The following PHLPP2 variants were observed in gnomAD, a reference collection of about 807,000 sequenced individuals.
PHLPP2 encodes PH domain and leucine rich repeat protein phosphatase 2.
PHLPP2 carries 66 observed loss-of-function variants against 124.9 expected under a neutral mutation model. That is an observed-to-expected ratio of 0.53 (90% CI 0.43 to 0.65). The LOEUF (loss-of-function observed/expected upper bound fraction) is 0.65. Among genes scored for constraint, PHLPP2 ranks in the 30% least tolerant of loss-of-function variants. PHLPP2 has a pLI of 0.00. For synonymous variants in PHLPP2, 681 were observed against 624.7 expected (o/e 1.09, Z -1.34); for missense variants, 1,685 against 1,600.4 (o/e 1.05, Z -0.90).
rs568666679 is a variant in PHLPP2, at chr16:71,698,547, C to T, written c.418+4051G>A. 3.1e-5 allele frequency: 21 copies of T among 671,730 alleles called. 2 individuals carry two copies. In the Admixed American group the frequency reaches 3.4e-4, roughly 11 times the overall value. The allele number at this position is 671,730 out of a possible 1,614,324, so 41.6% of individuals were successfully genotyped here. A position where few individuals can be genotyped will look rare whatever the true frequency, so the allele number is the denominator to read the frequency against. ...ACTGGGGATAGCACAAAGTCAGAGACATGAACATCCATCTGAAAGGCCTGT... is the reference window on the plus strand; with the variant it reads ...ACTGGGGATAGCACAAAGTCAGAGATATGAACATCCATCTGAAAGGCCTGT... On this transcript the variant is annotated intron_variant, in intron 3 of 18. Coordinates refer to ENST00000568954, the MANE Select transcript of PHLPP2 (RefSeq NM_015020.3).
chr16:71,706,284 A>C (rs2045273636), intron 2 of PHLPP2, among the ~76,000 whole-genome samples: 1 of 150,928 alleles, frequency 6.6e-6, no homozygotes, highest in African/African-American at 2.4e-5. Flanking sequence ...GGACATAGCA[A>C]TGCTGTTAAC....
chr16:71,717,809 A>G (rs1215258176), intron 1 of PHLPP2, among the ~76,000 whole-genome samples: 1 of 152,176 alleles, frequency 6.6e-6, no homozygotes, highest in Non-Finnish European at 1.5e-5. Flanking sequence ...CACAAACAAA[A>G]AAGTCGTCTT....
At chr16:71,707,187 C>G (rs1468223276) in intron 2 of PHLPP2, among the ~76,000 whole-genome samples, 2 of 151,748 alleles carry the variant, frequency 1.3e-5, no homozygotes, top group East Asian at 1.9e-4. Flanking sequence ...GATCTCCTGA[C>G]CTCGTGATCC....
intron 6 of PHLPP2, among the ~76,000 whole-genome samples, chr16:71,680,401 TACACA>T (rs1567619812): frequency 6.6e-6 from 1 of 152,214 alleles, no homozygotes; most frequent in Non-Finnish European, 1.5e-5. Flanking sequence ...TGTGACCTGA[TACACA>T]ACACAAAATA....
chr16:71,707,637 C>G (rs1382534052), intron 2 of PHLPP2, among the ~76,000 whole-genome samples: 1 of 152,156 alleles, frequency 6.6e-6, no homozygotes, highest in African/African-American at 2.4e-5. Context: ...AGCTGATGAA[C>G]TGTTCGATAT....
At chr16:71,723,083 C>T (rs2145393216) in intron 1 of PHLPP2, 1 of 152,440 alleles carries the variant, frequency 6.6e-6, no homozygotes, top group African/African-American at 2.4e-5. Context: ...CAGTCGGCCC[C>T]GCTCCCGGGA....
chr16:71,672,272 C>A lies in PHLPP2; in HGVS notation c.1522G>T (p.Asp508Tyr), dbSNP rs549764481. 6.2e-7 allele frequency: 1 copy of A among 1,612,998 alleles called. No homozygotes were observed. Among genetic ancestry groups the A allele is most frequent in the African/African-American group, 1.3e-5 (1 of 74,974 alleles). ...YPVPSLLTFL[D>Y]LSRNLLECVP... ...ATGAAAGACACTCACCGGGAGAGAT[C>A]CAAGAAAGTGAGCAGGCTGGGTACT... The change falls in exon 10 of 19, where the codon GAT becomes TAT. Residue 508 changes from aspartate to tyrosine, a missense_variant. Asp to Tyr is a radical substitution (Grantham distance 160). Coordinates refer to ENST00000568954, the MANE Select transcript of PHLPP2 (RefSeq NM_015020.3).
intron 9 of PHLPP2, 27 bp from the exon 10 acceptor site, chr16:71,672,349 T>A: frequency 6.4e-7 from 1 of 1,557,398 alleles, no homozygotes; most frequent in Non-Finnish European, 8.9e-7. Flanking sequence ...CAGGTGTTAG[T>A]GACATCCTCT....
At chr16:71,669,609 T>C (rs142225214) in intron 10 of PHLPP2, among the ~76,000 whole-genome samples, 3 of 152,334 alleles carry the variant, frequency 2.0e-5, no homozygotes, top group African/African-American at 4.8e-5. Flanking sequence ...TTATGTTGCA[T>C]GCTCAAAGAA....
Position 71,678,847 on chromosome 16 carries a change from CAT to C in PHLPP2, c.1174_1175del (p.Met392ValfsTer3). The C allele has an allele frequency of 6.2e-7, 1 of 1,612,270 alleles. No homozygotes were observed. The highest frequency in any genetic ancestry group is 8.5e-7 in the Non-Finnish European group (1 of 1,178,380). On this transcript the variant is annotated frameshift_variant, in exon 8 of 19. Coordinates refer to ENST00000568954, the MANE Select transcript of PHLPP2 (RefSeq NM_015020.3). LOFTEE classifies it high-confidence loss of function. ...TTCCTGCCATAACCACTCTATCTAACATAGTGAGTTTCTCATAAACCTCAGGA... is the reference window on the plus strand; with the variant it reads ...TTCCTGCCATAACCACTCTATCTAACAGTGAGTTTCTCATAAACCTCAGGA... Reference protein sequence around the residue: ...QIPEVYEKLTMLDRVVMAGNC... With the variant: ...QIPEVYEKLTXLDRVVMAGNC...
In PHLPP2 at chr16:71,655,373, T is replaced by C; in HGVS notation, c.2452A>G (p.Met818Val). 4.3e-6 allele frequency: 7 copies of C among 1,614,026 alleles called. No homozygotes were observed. Among genetic ancestry groups the C allele is most frequent in the Non-Finnish European group, 5.9e-6 (7 of 1,179,954 alleles). ...FAEGVGAVYG[M>V]FDGDRNEELP... ...TCCTCATTTCGGTCTCCATCAAACA[T>C]GCCATACACAGCTCCCACCCCCTCT... The change falls in exon 17 of 19, where the codon ATG (methionine) becomes GTG (valine). Residue 818 changes from methionine (M) to valine (V), a missense_variant. Transcript: ENST00000568954.
chr16:71,683,937 C>G (rs550716216), intron 5 of PHLPP2, among the ~76,000 whole-genome samples: 8 of 130,194 alleles, frequency 6.1e-5, no homozygotes, highest in African/African-American at 2.1e-4. Flanking sequence ...GGATTACAGG[C>G]ATGTGCCACT....
intron 3 of PHLPP2, among the ~76,000 whole-genome samples, chr16:71,699,336 C>T (rs2045206099): frequency 6.6e-6 from 1 of 152,110 alleles, no homozygotes; most frequent in African/African-American, 2.4e-5. Flanking sequence ...TCGAATGTTG[C>T]CTTTTCCAAA....
intron 3 of PHLPP2, among the ~76,000 whole-genome samples, chr16:71,693,753 G>T (rs1024020407): frequency 5.3e-5 from 8 of 152,190 alleles, no homozygotes; most frequent in African/African-American, 1.9e-4. Context: ...TTTCTGCTTA[G>T]TGAAACGTTG....
chr16:71,723,721 T>C (rs1280507166), intron 1 of PHLPP2: 6 of 947,716 alleles, frequency 6.3e-6, no homozygotes, highest in Middle Eastern at 3.7e-4. Context: ...CCTAGTCCGC[T>C]TGCCCGCTCG....
chr16:71,656,231 G>C (rs752873834), intron 16 of PHLPP2, among the ~76,000 whole-genome samples: 2 of 152,170 alleles, frequency 1.3e-5, no homozygotes, highest in African/African-American at 4.8e-5. Flanking sequence ...ACTAGACTGG[G>C]TGTCATCAGA....
intron 1 of PHLPP2, among the ~76,000 whole-genome samples, chr16:71,722,646 T>G (rs969871949): frequency 6.6e-6 from 1 of 152,216 alleles, no homozygotes; most frequent in African/African-American, 2.4e-5. Context: ...ATCATACGTT[T>G]TGTTTTGCAA....
chr16:71,650,126 A>G, intron 18 of PHLPP2, 82 bp from the exon 19 acceptor site: 3 of 960,804 alleles, frequency 3.1e-6, no homozygotes, highest in Non-Finnish European at 4.6e-6. Context: ...GTGCTTAGGG[A>G]ACTATAATAA....
At position 71,664,100 on chromosome 16, in the gene PHLPP2, C is replaced by G; in HGVS notation, c.1785-1G>C. ...TGCAGATGCATTCAAGTATCTGAGA[C>G]TGACAGAACACACACAGATCATCAC... On this transcript the variant is annotated splice_acceptor_variant, in intron 12 of 18. Coordinates refer to ENST00000568954, the MANE Select transcript of PHLPP2 (RefSeq NM_015020.3). LOFTEE classifies it high-confidence loss of function. 6.2e-7 allele frequency: 1 copy of G among 1,602,112 alleles called. No individual in the cohort carries two copies. The highest frequency in any genetic ancestry group is 8.6e-7 in the Non-Finnish European group (1 of 1,169,060).
Sources: allele counts gnomAD v4.1 joint callset (sites outside exome capture counted in the v4.1 genomes callset), GRCh38; gene constraint gnomAD v4.1.1; transcripts MANE v1.5; gene names NCBI Gene and HGNC (gene_info 2026-07-23, HGNC 2026-07-21).